TAFA2: variants seen among roughly 807,000 people sequenced by gnomAD.
TAFA2 encodes the protein TAFA chemokine like family member 2.
A neutral mutation model predicts 18.8 loss-of-function variants in TAFA2; 7 were observed. The ratio of observed to expected loss-of-function variants is 0.37; its 90% CI spans 0.21 to 0.70. The LOEUF is 0.70. Ranked by LOEUF, TAFA2 falls within the 30% of genes least tolerant of loss-of-function variation. The pLI is 0.53. For synonymous variants in TAFA2, 60 were observed against 54.2 expected, an observed-to-expected ratio of 1.11 and a Z score of -0.47; for missense variants, 122 against 158.1, an observed-to-expected ratio of 0.77 and a Z score of 1.23.
chr12:62,156,860 A>G (rs529592386), intron 1 of TAFA2, among the ~76,000 whole-genome samples: 1 of 152,194 alleles, frequency 6.6e-6, no homozygotes, highest in Admixed American at 6.5e-5. Context: ...GTAACTAAAT[A>G]CCGCCTGTAC....
At chr12:62,142,637 T>A (rs903723977) in intron 1 of TAFA2, among the ~76,000 whole-genome samples, 6 of 152,178 alleles carry the variant, frequency 3.9e-5, no homozygotes, top group Non-Finnish European at 5.9e-5. Context: ...CCAAGTCAGA[T>A]CTTTCTATTA....
At chr12:62,118,633 C>T (rs1216668788) in intron 1 of TAFA2, among the ~76,000 whole-genome samples, 3 of 152,080 alleles carry the variant, frequency 2.0e-5, no homozygotes, top group Non-Finnish European at 4.4e-5. Context: ...TTGACACTAT[C>T]AGGCTTTTAT....
intron 2 of TAFA2, among the ~76,000 whole-genome samples, chr12:61,821,128 T>TAC (rs3034059): frequency 0.09 from 13,234 of 146,376 alleles, 852 homozygotes; most frequent in East Asian, 0.2. Flanking sequence ...TTGATAGGGG[T>TAC]ACACACACAC....
chr12:61,858,240 T>C (rs1474818507), intron 2 of TAFA2, among the ~76,000 whole-genome samples: 1 of 152,206 alleles, frequency 6.6e-6, no homozygotes, highest in African/African-American at 2.4e-5. Context: ...CTGGTGATAC[T>C]ATCATGCTTC....
intron 1 of TAFA2, among the ~76,000 whole-genome samples, chr12:61,929,307 A>G (rs1592494186): frequency 6.6e-6 from 1 of 152,186 alleles, no homozygotes; most frequent in Non-Finnish European, 1.5e-5. Flanking sequence ...ACAATACCCA[A>G]GAAAAAAACA....
At chr12:61,944,800 G>C in intron 1 of TAFA2, among the ~76,000 whole-genome samples, 4 of 130,186 alleles carry the variant, frequency 3.1e-5, no homozygotes, top group African/African-American at 5.7e-5. Context: ...AGCTGAAATT[G>C]TGGCAATAAT....
At chr12:62,154,428 A>G (rs1336188907) in intron 1 of TAFA2, among the ~76,000 whole-genome samples, 1 of 152,190 alleles carries the variant, frequency 6.6e-6, no homozygotes, top group Admixed American at 6.5e-5. Context: ...TAACAAGGGA[A>G]GTTAGAAAAT....
intron 1 of TAFA2, among the ~76,000 whole-genome samples, chr12:62,150,473 C>T (rs2062320483): frequency 6.6e-6 from 1 of 152,058 alleles, no homozygotes; most frequent in Admixed American, 6.6e-5. Context: ...AGACTGAGCC[C>T]CTCTTCCAAC....
At chr12:61,842,033 T>TG (rs1873206915) in intron 2 of TAFA2, among the ~76,000 whole-genome samples, 1 of 151,856 alleles carries the variant, frequency 6.6e-6, no homozygotes, top group Non-Finnish European at 1.5e-5. Flanking sequence ...ATCAGAAAAA[T>TG]ATTACTCTAT....
At chr12:62,111,342 G>T (rs559893141) in intron 1 of TAFA2, among the ~76,000 whole-genome samples, 11 of 152,272 alleles carry the variant, frequency 7.2e-5, no homozygotes, top group African/African-American at 2.2e-4. Flanking sequence ...TTACACTGTG[G>T]TCTGAGAGAT....
At chr12:61,987,083 T>C (rs548939366) in intron 1 of TAFA2, among the ~76,000 whole-genome samples, 1 of 152,300 alleles carries the variant, frequency 6.6e-6, no homozygotes, top group South Asian at 2.1e-4. Flanking sequence ...GTCACTAAAA[T>C]AAAAAATGTT....
At chr12:61,859,482 C>A (rs1177633134) in intron 2 of TAFA2, among the ~76,000 whole-genome samples, 2 of 147,578 alleles carry the variant, frequency 1.4e-5, no homozygotes, top group Non-Finnish European at 3.0e-5. Context: ...CTCGCTCTGT[C>A]GCCCAGGCTG....
chr12:62,116,090 A>T (rs1302313860), intron 1 of TAFA2, among the ~76,000 whole-genome samples: 1 of 152,208 alleles, frequency 6.6e-6, no homozygotes, highest in Admixed American at 6.5e-5. Context: ...CTGGCACCAG[A>T]TTTTCACAAA....
At chr12:61,763,090 T>G (rs1223135207) in intron 2 of TAFA2, among the ~76,000 whole-genome samples, 2 of 152,058 alleles carry the variant, frequency 1.3e-5, no homozygotes, top group Non-Finnish European at 2.9e-5. Context: ...TTTTTAGACT[T>G]TCATGCTGAA....
chr12:61,803,001 A>G (rs1189831736), intron 2 of TAFA2, among the ~76,000 whole-genome samples: 1 of 151,966 alleles, frequency 6.6e-6, no homozygotes, highest in Non-Finnish European at 1.5e-5. Context: ...AATATAATTT[A>G]AAACTCCTAG....
chr12:61,762,482 T>G (rs1565625406), intron 2 of TAFA2, among the ~76,000 whole-genome samples: 1 of 151,996 alleles, frequency 6.6e-6, no homozygotes, highest in Non-Finnish European at 1.5e-5. Flanking sequence ...AAGCTGCCTT[T>G]AAATTATATA....
At chr12:62,063,379 T>A (rs1365035715) in intron 1 of TAFA2, among the ~76,000 whole-genome samples, 1 of 152,192 alleles carries the variant, frequency 6.6e-6, no homozygotes, top group African/African-American at 2.4e-5. Context: ...TATGAATAAA[T>A]CCAGGAGCCA....
intron 1 of TAFA2, among the ~76,000 whole-genome samples, chr12:62,123,132 T>C (rs901789608): frequency 6.6e-6 from 1 of 152,186 alleles, no homozygotes; most frequent in Non-Finnish European, 1.5e-5. Flanking sequence ...CCAAATACGC[T>C]TATATACTCA....
intron 1 of TAFA2, among the ~76,000 whole-genome samples, chr12:62,144,528 T>C (rs950197813): frequency 6.6e-6 from 1 of 152,180 alleles, no homozygotes; most frequent in Non-Finnish European, 1.5e-5. Flanking sequence ...AGCACAGAGC[T>C]GACACCATTG....
Sources: gnomAD v4.1 joint callset for allele counts (sites outside exome capture counted in the v4.1 genomes callset) on GRCh38, gnomAD v4.1.1 for gene constraint, MANE v1.5 for transcripts, NCBI Gene and HGNC (gene_info 2026-07-23, HGNC 2026-07-21) for gene names.